Variants in DGKB observed in about 807,000 individuals in gnomAD.
The protein encoded by DGKB is diacylglycerol kinase beta.
In DGKB, 67 loss-of-function variants were observed where a neutral mutation model predicts 114.3. The ratio of observed to expected loss-of-function variants is 0.59; its 90% CI spans 0.48 to 0.72. The LOEUF (loss-of-function observed/expected upper bound fraction) is 0.72. Among genes scored for constraint, DGKB ranks in the 30% least tolerant of loss-of-function variants. DGKB has a pLI of 0.00. For missense variants in DGKB, 907 were observed against 975.2 expected (o/e 0.93, Z 0.93); for synonymous variants, 398 against 323.1 (o/e 1.23, Z -2.49).
intron 21 of DGKB, among the ~76,000 whole-genome samples, chr7:14,353,013 A>C (rs1270611005): frequency 6.6e-6 from 1 of 152,238 alleles, no homozygotes; most frequent in Non-Finnish European, 1.5e-5. Context: ...GAAAGATTTA[A>C]TGAAATGTAT....
At chr7:14,307,557 T>C (rs1201727504) in intron 23 of DGKB, among the ~76,000 whole-genome samples, 1 of 152,132 alleles carries the variant, frequency 6.6e-6, no homozygotes, top group East Asian at 1.9e-4. Flanking sequence ...GATAAAGAAA[T>C]ATGCTCAAAA....
intron 1 of DGKB, among the ~76,000 whole-genome samples, chr7:14,847,183 C>T (rs531394834): frequency 6.7e-6 from 1 of 148,874 alleles, no homozygotes; most frequent in Non-Finnish European, 1.5e-5. Context: ...CCCAGCTACT[C>T]GGGAGGCTGA....
intron 23 of DGKB, among the ~76,000 whole-genome samples, chr7:14,319,949 C>G (rs770043529): frequency 6.6e-6 from 1 of 152,160 alleles, no homozygotes; most frequent in Non-Finnish European, 1.5e-5. Flanking sequence ...CCTTGGGCTA[C>G]TCTCTATACA....
intron 1 of DGKB, among the ~76,000 whole-genome samples, chr7:14,922,375 CGTGTGTGT>C (rs150420213): frequency 0.013 from 1,594 of 118,266 alleles, 19 homozygotes; most frequent in African/African-American, 0.035. Flanking sequence ...GTGTATCCAT[CGTGTGTGT>C]GTGTGTGTGT....
At chr7:14,969,997 G>A (rs1787364770) in intron 1 of DGKB, among the ~76,000 whole-genome samples, 1 of 152,114 alleles carries the variant, frequency 6.6e-6, no homozygotes, top group Non-Finnish European at 1.5e-5. Flanking sequence ...GGACCTCCTT[G>A]TACATGCAGT....
intron 23 of DGKB, among the ~76,000 whole-genome samples, chr7:14,254,567 T>C (rs1402056274): frequency 6.6e-6 from 1 of 150,968 alleles, no homozygotes; most frequent in East Asian, 1.9e-4. Flanking sequence ...GCATGTTAAT[T>C]AGCATTGATC....
chr7:14,215,009 T>G (rs1167272026), intron 23 of DGKB, among the ~76,000 whole-genome samples: 1 of 152,110 alleles, frequency 6.6e-6, no homozygotes, highest in Non-Finnish European at 1.5e-5. Context: ...GAAGTGAAAG[T>G]CCAAGAAGTT....
At chr7:14,242,992 G>A (rs770659935) in intron 23 of DGKB, among the ~76,000 whole-genome samples, 2 of 151,944 alleles carry the variant, frequency 1.3e-5, no homozygotes, top group Non-Finnish European at 2.9e-5. Context: ...ACAGTATGAA[G>A]ATTGGAGATT....
At chr7:14,865,448 C>A (rs1362492300) in intron 1 of DGKB, among the ~76,000 whole-genome samples, 2 of 152,156 alleles carry the variant, frequency 1.3e-5, no homozygotes, top group African/African-American at 4.8e-5. Context: ...ACCTTATTGG[C>A]CATCCCAATG....
intron 21 of DGKB, among the ~76,000 whole-genome samples, chr7:14,433,547 C>T (rs1358737821): frequency 6.6e-6 from 1 of 151,890 alleles, no homozygotes; most frequent in Non-Finnish European, 1.5e-5. Context: ...AGTTGTACAA[C>T]ATAATTCCCT....
chr7:14,558,041 T>C (rs925819568), intron 20 of DGKB, among the ~76,000 whole-genome samples: 3 of 151,286 alleles, frequency 2.0e-5, no homozygotes, highest in Admixed American at 6.6e-5. Context: ...ATGCATCCAT[T>C]ATTGGTCTTA....
At chr7:14,624,154 T>C (rs1271561527) in intron 14 of DGKB, among the ~76,000 whole-genome samples, 2 of 152,184 alleles carry the variant, frequency 1.3e-5, no homozygotes, top group Admixed American at 1.3e-4. Flanking sequence ...AGGAACATAT[T>C]TAAAATTTAA....
At chr7:14,170,389 G>T (rs1477288787) in intron 25 of DGKB, among the ~76,000 whole-genome samples, 1 of 151,924 alleles carries the variant, frequency 6.6e-6, no homozygotes, top group Non-Finnish European at 1.5e-5. Flanking sequence ...GACATCTTAG[G>T]GTTGCTGTGG....
At chr7:14,388,775 A>G (rs997900167) in intron 21 of DGKB, among the ~76,000 whole-genome samples, 15 of 152,184 alleles carry the variant, frequency 9.9e-5, no homozygotes, top group African/African-American at 3.6e-4. Flanking sequence ...AAGCAGCACC[A>G]TTTCCAAAAA....
intron 21 of DGKB, among the ~76,000 whole-genome samples, chr7:14,420,062 T>G (rs1826419661): frequency 6.6e-6 from 1 of 152,056 alleles, no homozygotes; most frequent in Non-Finnish European, 1.5e-5. Flanking sequence ...AACATCAATA[T>G]TATTGATTAT....
At position 14,153,419 on chromosome 7, in the gene DGKB, GTCTAATT is replaced by G. The variant is rs1782518006; in HGVS notation, c.2305-4188_2305-4182del. On this transcript the variant is annotated intron_variant, in intron 25 of 25. Transcript: ENST00000402815. ...TTAAAAATAATTTTACTTTTATAAT[GTCTAATT>G]TTGGCCTCCTAACAACTCTGGGAGG... 2.0e-5 allele frequency among the ~76,000 whole-genome samples: 3 copies of G among 152,108 alleles called. 1 individual carries two copies. The South Asian group carries it at 6.2e-4, about 32-fold the overall frequency.
intron 1 of DGKB, among the ~76,000 whole-genome samples, chr7:14,886,799 T>C (rs1005239694): frequency 1.3e-5 from 2 of 151,746 alleles, no homozygotes; most frequent in Non-Finnish European, 2.9e-5. Flanking sequence ...TGTCCACATA[T>C]CCTCACCTCC....
chr7:14,176,807 T>C lies in DGKB; in HGVS notation c.2304+32A>G, dbSNP rs765288614. ...GTCAAAGAGGAAAGCAAAACTGAGA[T>C]TGACATAGCATATCAACTACTCTGT... is the stretch of plus-strand genomic sequence containing the variant. On this transcript the variant is annotated intron_variant, in intron 25 of 25. Coordinates refer to ENST00000402815, the MANE Select transcript of DGKB (RefSeq NM_001350709.2). 9 of 1,589,172 alleles carry C rather than the reference T, an allele frequency of 5.7e-6. No individual in the cohort carries two copies. The African/African-American group carries it at 6.7e-5, about 12-fold the overall frequency.
intron 2 of DGKB, among the ~76,000 whole-genome samples, chr7:14,805,443 T>G (rs1842677829): frequency 6.6e-6 from 1 of 152,122 alleles, no homozygotes; most frequent in Non-Finnish European, 1.5e-5. Flanking sequence ...TTTCATTAAC[T>G]GGTTAAATTC....
Sources: gnomAD v4.1 joint callset for allele counts (sites outside exome capture counted in the v4.1 genomes callset) on GRCh38, gnomAD v4.1.1 for gene constraint, MANE v1.5 for transcripts, NCBI Gene and HGNC (gene_info 2026-07-23, HGNC 2026-07-21) for gene names.